CLEC1A: variants seen among roughly 807,000 people sequenced by gnomAD.
CLEC1A encodes the protein C-type lectin-like receptor-1.
Under a neutral mutation model 28.7 loss-of-function variants are expected in CLEC1A, and 34 were observed. That is an observed-to-expected ratio of 1.18 (90% confidence interval 0.90 to 1.57). The LOEUF (loss-of-function observed/expected upper bound fraction) is 1.57. CLEC1A is among the 40% of genes most tolerant of loss of function. The pLI, the probability that CLEC1A is intolerant of heterozygous loss-of-function variation, is 0.00. For synonymous variants in CLEC1A, 116 were observed against 121.0 expected (o/e 0.96, Z 0.27); for missense variants, 385 against 339.5 (o/e 1.13, Z -1.05).
In CLEC1A at chr12:10,070,064, T is replaced by G. The variant is rs552842255; in HGVS notation, c.*1269A>C. On this transcript the variant is annotated 3_prime_UTR_variant, in exon 6 of 6. Coordinates refer to ENST00000315330, the MANE Select transcript of CLEC1A (RefSeq NM_016511.4). The stretch of plus-strand genomic sequence containing the variant: ...AGTAAACCAATAAACTTGGTGGCTG[T>G]GATGGTGTCATTCCCAATGATCCCT... 1.1e-4 allele frequency: 16 copies of G among 152,336 alleles called. No homozygotes were observed. The highest frequency in any genetic ancestry group is 3.8e-4 in the African/African-American group (16 of 41,576). 9.4% of individuals were successfully genotyped at this position (152,336 alleles called of 1,614,324 possible).
intron 1 of CLEC1A, among the ~76,000 whole-genome samples, chr12:10,097,300 T>C (rs1947790168): frequency 1.3e-5 from 2 of 152,228 alleles, no homozygotes; most frequent in Non-Finnish European, 2.9e-5. Flanking sequence ...ATCACATCAT[T>C]ATGTTGAATC....
At chr12:10,090,104 A>C (rs1591919403) in intron 1 of CLEC1A, among the ~76,000 whole-genome samples, 2 of 152,150 alleles carry the variant, frequency 1.3e-5, no homozygotes, top group East Asian at 1.9e-4. Context: ...GATAAAAATG[A>C]AACAAAGAGA....
rs960749783 is a variant in CLEC1A, at chr12:10,081,989, T to C, written c.215-576A>G. Among the ~76,000 whole-genome samples the C allele has an allele frequency of 2.6e-5, 4 of 152,144 alleles. No homozygotes were observed. The East Asian group carries it at 7.7e-4, about 29-fold the overall frequency. On this transcript the variant is annotated intron_variant, in intron 2 of 5. Coordinates refer to ENST00000315330, the MANE Select transcript of CLEC1A (RefSeq NM_016511.4). ...GTAGAAGAAGCAGAGGAAAGAGTCC[T>C]GTAGGCACTCCCATTCTCCAGCTCA...
intron 3 of CLEC1A, among the ~76,000 whole-genome samples, chr12:10,077,291 GA>G: frequency 6.6e-6 from 1 of 152,210 alleles, no homozygotes; most frequent in East Asian, 1.9e-4. Context: ...ATACAGATTA[GA>G]AGAAATTCAT....
intron 3 of CLEC1A, among the ~76,000 whole-genome samples, chr12:10,076,441 T>C (rs1866252923): frequency 6.6e-6 from 1 of 152,204 alleles, no homozygotes; most frequent in African/African-American, 2.4e-5. Context: ...TTATATCTTC[T>C]TGTAAATTTG....
chr12:10,082,237 C>T (rs933702154), intron 2 of CLEC1A, among the ~76,000 whole-genome samples: 2 of 151,974 alleles, frequency 1.3e-5, no homozygotes, highest in Admixed American at 6.5e-5. Flanking sequence ...TGGGGAGCGG[C>T]GTGGCCTGAA....
chr12:10,078,930 T>C (rs1453969905), intron 3 of CLEC1A, among the ~76,000 whole-genome samples: 1 of 152,208 alleles, frequency 6.6e-6, no homozygotes, highest in Non-Finnish European at 1.5e-5. Context: ...TCATATTACC[T>C]GCTGCACTTT....
At chr12:10,090,675 T>G (rs865799903) in intron 1 of CLEC1A, among the ~76,000 whole-genome samples, 1 of 152,126 alleles carries the variant, frequency 6.6e-6, no homozygotes, top group Non-Finnish European at 1.5e-5. Context: ...TACAATCTAG[T>G]AGGCAAAATA....
intron 1 of CLEC1A, among the ~76,000 whole-genome samples, chr12:10,089,810 CATTT>C (rs1443244879): frequency 6.6e-6 from 1 of 152,030 alleles, no homozygotes; most frequent in East Asian, 1.9e-4. Context: ...TTTATTCATT[CATTT>C]GATTTATATT....
chr12:10,079,599 T>C (rs1866324163), intron 3 of CLEC1A, among the ~76,000 whole-genome samples: 1 of 151,882 alleles, frequency 6.6e-6, no homozygotes, highest in Non-Finnish European at 1.5e-5. Context: ...GGCGGGCAGA[T>C]CACTTGAGGC....
At chr12:10,087,905 C>T (rs942458791) in intron 2 of CLEC1A, among the ~76,000 whole-genome samples, 1 of 151,640 alleles carries the variant, frequency 6.6e-6, no homozygotes, top group African/African-American at 2.4e-5. Context: ...AATATTAGTT[C>T]CTAACTTCAG....
Position 10,075,524 on chromosome 12 carries a change from T to C in CLEC1A, c.523A>G (p.Ile175Val). The change falls in exon 4 of 6, where the codon ATA (isoleucine) becomes GTA (valine). Residue 175 changes from isoleucine (I) to valine (V), a missense_variant. Physicochemically the swap from Ile to Val is conservative, Grantham distance 29. Coordinates refer to ENST00000315330, the MANE Select transcript of CLEC1A (RefSeq NM_016511.4). The stretch of plus-strand genomic sequence containing the variant: ...CTTACCAGGTCTTCTTGTTTGTTTA[T>C]CTTCAGCATGGTAGAGTTTTCACTA... ...CLSENSTMLKINKQEDLEFAA... is the reference protein window; with the variant it reads ...CLSENSTMLKVNKQEDLEFAA... The C allele has an allele frequency of 1.9e-6, 3 of 1,613,938 alleles. No homozygotes were observed. The highest frequency in any genetic ancestry group is 2.5e-6 in the Non-Finnish European group (3 of 1,179,882).
chr12:10,083,075 G>A (rs1866404218), intron 2 of CLEC1A, among the ~76,000 whole-genome samples: 1 of 152,162 alleles, frequency 6.6e-6, no homozygotes, highest in African/African-American at 2.4e-5. Context: ...CCTGGAGCCT[G>A]GTAGCACCAC....
chr12:10,086,980 T>G (rs554174956), intron 2 of CLEC1A, among the ~76,000 whole-genome samples: 2 of 151,910 alleles, frequency 1.3e-5, no homozygotes, highest in Admixed American at 1.3e-4. Flanking sequence ...CCGAGGCAGG[T>G]GGATCACCTG....
intron 1 of CLEC1A, among the ~76,000 whole-genome samples, chr12:10,094,704 A>G (rs1947753898): frequency 6.6e-6 from 1 of 152,192 alleles, no homozygotes; most frequent in Non-Finnish European, 1.5e-5. Flanking sequence ...ATCTGGAATC[A>G]TAGAATGACA....
chr12:10,075,464 T>C (rs966092213), intron 4 of CLEC1A, 40 bp downstream of exon 4: 1 of 1,605,042 alleles, frequency 6.2e-7, no homozygotes, highest in African/African-American at 1.3e-5. Flanking sequence ...AAGGCCTCTT[T>C]TTGAAATCCT....
chr12:10,083,484 T>C (rs1230612338), intron 2 of CLEC1A, among the ~76,000 whole-genome samples: 1 of 152,204 alleles, frequency 6.6e-6, no homozygotes, highest in Non-Finnish European at 1.5e-5. Context: ...TTTCTTTCTT[T>C]TTGAGACAGA....
At chr12:10,098,688 C>T (rs6488257) in intron 1 of CLEC1A, 120 bp downstream of exon 1, 481,266 of 613,926 alleles carry the variant, frequency 0.78, 197,049 homozygotes, top group Non-Finnish European at 0.88. Context: ...TGTCACAGGG[C>T]GAGTAATTGG....
rs867867368 is a variant in CLEC1A, at chr12:10,081,220, G to C, written c.391+17C>G. The C allele has an allele frequency of 3.9e-6, 6 of 1,542,638 alleles. No individual in the cohort carries two copies. The Middle Eastern group carries it at 8.6e-4, about 221-fold the overall frequency. On this transcript the variant is annotated intron_variant, in intron 3 of 5. Transcript: ENST00000315330. ...TTTCCAGACAACATGGGGACAGAGTGACCAGGACACACTTACCTCCAGCTT... is the reference window on the plus strand; with the variant it reads ...TTTCCAGACAACATGGGGACAGAGTCACCAGGACACACTTACCTCCAGCTT...
Sources: gnomAD v4.1 joint callset for allele counts (sites outside exome capture counted in the v4.1 genomes callset) on GRCh38, gnomAD v4.1.1 for gene constraint, MANE v1.5 for transcripts, NCBI Gene and HGNC (gene_info 2026-07-23, HGNC 2026-07-21) for gene names.